Variants in APBA2 observed in about 807,000 individuals in gnomAD.
APBA2 encodes amyloid beta precursor protein binding family A member 2, also known as amyloid-beta A4 precursor protein-binding family A member 2.
A neutral mutation model predicts 75.0 loss-of-function variants in APBA2; 30 were observed. That is an observed-to-expected ratio of 0.40 (90% CI 0.30 to 0.54). The LOEUF (loss-of-function observed/expected upper bound fraction) is 0.54, where lower values mean the gene tolerates loss of function less well. Among genes scored for constraint, APBA2 ranks in the 20% least tolerant of loss-of-function variants. APBA2 has a pLI of 0.49. For synonymous variants in APBA2, 444 were observed against 409.6 expected (o/e 1.08, Z -1.01); for missense variants, 801 against 1,016.1 (o/e 0.79, Z 2.88).
In APBA2 at chr15:28,961,924, A is replaced by G. The variant is rs1468897708; in HGVS notation, c.-94-33829A>G. On this transcript the variant is annotated intron_variant, in intron 2 of 14. Transcript: ENST00000683413. ...CTCAGCTTGTTGCTTCTCTAAAGAG[A>G]TACCTCCCTTTATCCATTTTGTGGT... 2.6e-5 allele frequency among the ~76,000 whole-genome samples: 4 copies of G among 152,116 alleles called. No individual in the cohort carries two copies. The East Asian group carries it at 7.7e-4, about 29-fold the overall frequency.
At chr15:29,053,290 T>C (rs1180510286) in intron 3 of APBA2, among the ~76,000 whole-genome samples, 1 of 151,920 alleles carries the variant, frequency 6.6e-6, no homozygotes, top group Non-Finnish European at 1.5e-5. Context: ...TCAGCCTGGA[T>C]GGTCCCTGCG....
At chr15:28,933,559 G>T (rs1264455482) in intron 2 of APBA2, among the ~76,000 whole-genome samples, 1 of 152,250 alleles carries the variant, frequency 6.6e-6, no homozygotes, top group Non-Finnish European at 1.5e-5. Flanking sequence ...CTTTGAAAGA[G>T]AGTGTGGGGC....
chr15:28,957,233 T>C (rs28454589), intron 2 of APBA2, among the ~76,000 whole-genome samples: 41,466 of 151,754 alleles, frequency 0.27, 10,681 homozygotes, highest in African/African-American at 0.66. Context: ...CCACCGTGCC[T>C]GGCTAATTTT....
chr15:29,046,500 G>C lies in APBA2; in HGVS notation c.-40-7345G>C, dbSNP rs1017424252. The stretch of plus-strand genomic sequence containing the variant: ...GTGGTGGGCCTAGGCTTCTTGGTGA[G>C]GGCCTTGTATTTGTTGACAAGGAGG... On this transcript the variant is annotated intron_variant, in intron 3 of 14. Coordinates refer to ENST00000683413, the MANE Select transcript of APBA2 (RefSeq NM_001353788.2). This position sits in a 1 kb window ranked among gnomAD's most constrained non-coding sequence, Gnocchi z 5.0. 2.0e-5 allele frequency among the ~76,000 whole-genome samples: 3 copies of C among 152,218 alleles called. No individual in the cohort carries two copies. The highest frequency in any genetic ancestry group is 4.4e-5 in the Non-Finnish European group (3 of 68,042).
At chr15:29,104,976 C>T (rs2044322599) in intron 10 of APBA2, among the ~76,000 whole-genome samples, 2 of 152,108 alleles carry the variant, frequency 1.3e-5, no homozygotes, top group South Asian at 4.2e-4. Flanking sequence ...CATTCCCACT[C>T]CAGTCTGGGC....
At chr15:29,105,254 A>G in intron 10 of APBA2, 125 bp from the exon 11 acceptor site, 1 of 950,016 alleles carries the variant, frequency 1.1e-6, no homozygotes, top group Non-Finnish European at 1.6e-6. Flanking sequence ...TCTAAGCCCG[A>G]GCAAGGGCTC....
intron 2 of APBA2, among the ~76,000 whole-genome samples, chr15:28,976,072 A>T (rs915514510): frequency 1.3e-5 from 2 of 152,258 alleles, no homozygotes; most frequent in African/African-American, 4.8e-5. Context: ...CTTTCAATAA[A>T]GTAACAGATA....
At chr15:28,989,754 A>G (rs1315970231) in intron 2 of APBA2, among the ~76,000 whole-genome samples, 1 of 152,064 alleles carries the variant, frequency 6.6e-6, no homozygotes, top group South Asian at 2.1e-4. Flanking sequence ...GGCTGTGTAC[A>G]CCCTCTGCTT....
chr15:29,017,051 G>A (rs898351703), intron 3 of APBA2, among the ~76,000 whole-genome samples: 2 of 152,126 alleles, frequency 1.3e-5, no homozygotes, highest in African/African-American at 4.8e-5. Flanking sequence ...GGAGGAAGGA[G>A]GGTTGGGTCC....
intron 1 of APBA2, among the ~76,000 whole-genome samples, chr15:28,914,847 T>C (rs1367676258): frequency 3.3e-5 from 5 of 151,914 alleles, no homozygotes; most frequent in African/African-American, 1.2e-4. Flanking sequence ...TGGCCTTGGC[T>C]GAGGTCGTCA....
chr15:29,063,866 G>A (rs1043652355), intron 4 of APBA2, among the ~76,000 whole-genome samples: 4 of 152,044 alleles, frequency 2.6e-5, no homozygotes, highest in South Asian at 2.1e-4. Context: ...CACAAAGGAG[G>A]TGGTGAGCCC....
At chr15:29,011,738 G>A (rs946217163) in intron 3 of APBA2, among the ~76,000 whole-genome samples, 1 of 152,020 alleles carries the variant, frequency 6.6e-6, no homozygotes, top group African/African-American at 2.4e-5. Flanking sequence ...TGCTCATAAT[G>A]TCTGTGTCTA....
intron 2 of APBA2, among the ~76,000 whole-genome samples, chr15:28,959,262 C>T (rs756416800): frequency 1.8e-4 from 27 of 152,216 alleles, no homozygotes; most frequent in Non-Finnish European, 3.7e-4. Flanking sequence ...GCTGGGATTA[C>T]AGGCATGAGC....
At chr15:29,068,922 T>G (rs11070421) in intron 4 of APBA2, among the ~76,000 whole-genome samples, 139,907 of 152,056 alleles carry the variant, frequency 0.92, 64,608 homozygotes, top group East Asian at 1. Flanking sequence ...GTGGCATTTA[T>G]CACAATGTTG....
chr15:28,950,455 G>A (rs772644024), intron 2 of APBA2, among the ~76,000 whole-genome samples: 8 of 151,876 alleles, frequency 5.3e-5, no homozygotes, highest in Admixed American at 3.3e-4. Flanking sequence ...GTGAAACCCC[G>A]TCTCTATTAA....
intron 1 of APBA2, among the ~76,000 whole-genome samples, chr15:28,900,023 C>T (rs967196810): frequency 6.6e-6 from 1 of 152,022 alleles, no homozygotes; most frequent in Non-Finnish European, 1.5e-5. Context: ...GTGAGGGACC[C>T]CTGGGGGAGA....
At chr15:28,943,558 A>ACAGCTGGG (rs747214499) in intron 2 of APBA2, among the ~76,000 whole-genome samples, 20 of 152,240 alleles carry the variant, frequency 1.3e-4, no homozygotes, top group Non-Finnish European at 2.6e-4. Flanking sequence ...TTTCAGTGCC[A>ACAGCTGGG]CAGCTGGGAG....
At chr15:29,087,989 C>T (rs2043369570) in intron 6 of APBA2, among the ~76,000 whole-genome samples, 1 of 152,194 alleles carries the variant, frequency 6.6e-6, no homozygotes, top group Non-Finnish European at 1.5e-5. Context: ...CCCCGCTCTA[C>T]CTGCCCCTTT....
intron 1 of APBA2, among the ~76,000 whole-genome samples, chr15:28,905,408 C>G (rs1368376650): frequency 6.6e-6 from 1 of 152,220 alleles, no homozygotes; most frequent in Non-Finnish European, 1.5e-5. Context: ...TTGGGAACTT[C>G]TGGTGAATTT....
Sources: allele counts gnomAD v4.1 joint callset (sites outside exome capture counted in the v4.1 genomes callset), GRCh38; gene constraint gnomAD v4.1.1; non-coding constraint Gnocchi (gnomAD v3.1); transcripts MANE v1.5; gene names NCBI Gene and HGNC (gene_info 2026-07-23, HGNC 2026-07-21).